The following NEMP2 variants were observed in gnomAD, a reference collection of about 807,000 sequenced individuals.
NEMP2 encodes the protein nuclear envelope integral membrane protein 2, also known as UPF0571 transmembrane protein.
In NEMP2, 53 loss-of-function variants were observed where a neutral mutation model predicts 54.2. The observed-to-expected ratio is 0.98, with a 90% confidence interval of 0.78 to 1.23. NEMP2 has a LOEUF of 1.23. NEMP2 is among the 50% of genes most tolerant of loss of function. NEMP2 has a pLI of 0.00. For missense variants in NEMP2, 455 were observed against 511.3 expected, an observed-to-expected ratio of 0.89 and a Z score of 1.06; for synonymous variants, 197 against 190.3, an observed-to-expected ratio of 1.04 and a Z score of -0.29.
downstream of NEMP2, among the ~76,000 whole-genome samples, chr2:190,503,509 C>T (rs571166553): frequency 8.9e-4 from 135 of 152,310 alleles, no homozygotes; most frequent in Non-Finnish European, 1.6e-3. The surrounding 1 kb of genome is among the most constrained non-coding windows in gnomAD (Gnocchi z 6.3). Flanking sequence ...GAGATCCTTT[C>T]GGGAGATCTC....
chr2:190,474,144 C>T, the NEMP2 span, among the ~76,000 whole-genome samples: 3 of 151,144 alleles, frequency 2.0e-5, no homozygotes, highest in African/African-American at 7.3e-5. Flanking sequence ...CCTAACATCA[C>T]AATTAAAAGA....
At chr2:190,497,519 A>G in the NEMP2 span, 21 of 1,614,182 alleles carry the variant, frequency 1.3e-5, no homozygotes, top group Non-Finnish European at 1.8e-5. This position sits in a 1 kb window ranked among gnomAD's most constrained non-coding sequence, Gnocchi z 5.2. Flanking sequence ...ACAGCAACAG[A>G]CAGAAGATGT....
At chr2:190,582,480 A>G in the NEMP2 span, among the ~76,000 whole-genome samples, 2 of 152,192 alleles carry the variant, frequency 1.3e-5, no homozygotes, top group African/African-American at 4.8e-5. This position sits in a 1 kb window ranked among gnomAD's most constrained non-coding sequence, Gnocchi z 4.6. Context: ...AAAACCCACT[A>G]TCAATTAAAC....
At chr2:190,490,997 A>G in the NEMP2 span, among the ~76,000 whole-genome samples, 1 of 152,230 alleles carries the variant, frequency 6.6e-6, no homozygotes, top group Non-Finnish European at 1.5e-5. The surrounding 1 kb of genome is among the most constrained non-coding windows in gnomAD (Gnocchi z 4.5). Flanking sequence ...GCCTCATGTA[A>G]AAGACCAATA....
rs1334142999 is a variant in NEMP2, at chr2:190,514,410, G to A, written c.953+43C>T. ...CACTCTCCCAAATAATAAAACTAGA[G>A]CTCAAAATGTCAAATTTGCTGGGGG... On this transcript the variant is annotated intron_variant, in intron 7 of 8. Transcript: ENST00000409150. This position sits in a 1 kb window ranked among gnomAD's most constrained non-coding sequence, Gnocchi z 5.7. 3 of 1,475,882 alleles carry A rather than the reference G, an allele frequency of 2.0e-6. No homozygotes were observed. The highest frequency in any genetic ancestry group is 2.0e-5 in the Admixed American group (1 of 50,842). The allele number at this position is 1,475,882 out of a possible 1,614,324, so 91.4% of individuals were successfully genotyped here.
the NEMP2 span, among the ~76,000 whole-genome samples, chr2:190,555,555 C>G: frequency 6.6e-6 from 1 of 151,042 alleles, no homozygotes; most frequent in Non-Finnish European, 1.5e-5. The surrounding 1 kb of genome is among the most constrained non-coding windows in gnomAD (Gnocchi z 4.8). Flanking sequence ...ATTGATCAAG[C>G]AGAAGAAAGG....
the NEMP2 span, among the ~76,000 whole-genome samples, chr2:190,499,233 A>T: frequency 6.6e-6 from 1 of 152,244 alleles, no homozygotes; most frequent in Non-Finnish European, 1.5e-5. The surrounding 1 kb of genome is among the most constrained non-coding windows in gnomAD (Gnocchi z 6.0). Context: ...TGCTGTAGTT[A>T]TTCTTAGAAG....
the NEMP2 span, among the ~76,000 whole-genome samples, chr2:190,542,747 A>T: frequency 6.6e-6 from 1 of 152,024 alleles, no homozygotes; most frequent in Non-Finnish European, 1.5e-5. The surrounding 1 kb of genome is among the most constrained non-coding windows in gnomAD (Gnocchi z 4.6). Context: ...AATTATTTTA[A>T]TCTCTGTTAA....
chr2:190,532,238 ATAAAGGT>A (rs1691169635), intron 1 of NEMP2, among the ~76,000 whole-genome samples: 1 of 152,260 alleles, frequency 6.6e-6, no homozygotes, highest in Admixed American at 6.5e-5. Flanking sequence ...CACCAAAGTG[ATAAAGGT>A]AACTATTCTC....
the NEMP2 span, among the ~76,000 whole-genome samples, chr2:190,433,925 T>C: frequency 6.6e-6 from 1 of 152,154 alleles, no homozygotes; most frequent in East Asian, 1.9e-4. This position sits in a 1 kb window ranked among gnomAD's most constrained non-coding sequence, Gnocchi z 4.5. Context: ...GTGCAGTGGT[T>C]CACGCCTGTA....
Position 190,521,506 on chromosome 2 carries a change from T to C in NEMP2, c.214-2323A>G, listed in dbSNP as rs1405798836. On this transcript the variant is annotated intron_variant, in intron 2 of 8. Transcript: ENST00000409150. The surrounding 1 kb of genome is among the most constrained non-coding windows in gnomAD (Gnocchi z 6.2). ...ATTATTTCTCTCAGCATACAACATT[T>C]AAAAAAGAAGAAACAACCTTCTGTG... Among the ~76,000 whole-genome samples the C allele has an allele frequency of 6.6e-6, 1 of 152,144 alleles. No homozygotes were observed. Among genetic ancestry groups the C allele is most frequent in the Non-Finnish European group, 1.5e-5 (1 of 68,024 alleles).
At chr2:190,453,754 A>C in the NEMP2 span, among the ~76,000 whole-genome samples, 2 of 152,224 alleles carry the variant, frequency 1.3e-5, no homozygotes, top group Non-Finnish European at 2.9e-5. Context: ...GGACTGGAGA[A>C]GCACAGAACG....
At chr2:190,535,430 A>T (rs1193397661), upstream of NEMP2, among the ~76,000 whole-genome samples, 1 of 152,194 alleles carries the variant, frequency 6.6e-6, no homozygotes, top group Non-Finnish European at 1.5e-5. Context: ...TTAAATTAAC[A>T]TATAACCTGA....
the NEMP2 span, among the ~76,000 whole-genome samples, chr2:190,494,052 T>C: frequency 6.6e-6 from 1 of 151,414 alleles, no homozygotes; most frequent in African/African-American, 2.4e-5. The surrounding 1 kb of genome is among the most constrained non-coding windows in gnomAD (Gnocchi z 5.7). Flanking sequence ...ATACAAAAAA[T>C]AAATGAAACA....
chr2:190,465,334 A>G, the NEMP2 span, among the ~76,000 whole-genome samples: 1 of 152,128 alleles, frequency 6.6e-6, no homozygotes, highest in South Asian at 2.1e-4. This position sits in a 1 kb window ranked among gnomAD's most constrained non-coding sequence, Gnocchi z 4.6. Flanking sequence ...TTTTATTACT[A>G]CTGACTTCCT....
chr2:190,564,125 C>G, the NEMP2 span, among the ~76,000 whole-genome samples: 1 of 152,182 alleles, frequency 6.6e-6, no homozygotes, highest in Admixed American at 6.5e-5. This position sits in a 1 kb window ranked among gnomAD's most constrained non-coding sequence, Gnocchi z 4.2. Context: ...GATCATATGC[C>G]ACATGGTGTG....
the NEMP2 span, among the ~76,000 whole-genome samples, chr2:190,647,784 G>A: frequency 1.6e-5 from 2 of 124,190 alleles, no homozygotes. Context: ...GCACGATCTT[G>A]GCTCACTGCA....
At chr2:190,485,369 C>T in the NEMP2 span, among the ~76,000 whole-genome samples, 2 of 152,144 alleles carry the variant, frequency 1.3e-5, no homozygotes, top group African/African-American at 4.8e-5. This position sits in a 1 kb window ranked among gnomAD's most constrained non-coding sequence, Gnocchi z 5.1. Context: ...GGTTTGGCGT[C>T]AGCATTAAAG....
chr2:190,494,116 A>G, the NEMP2 span, among the ~76,000 whole-genome samples: 1 of 152,150 alleles, frequency 6.6e-6, no homozygotes, highest in African/African-American at 2.4e-5. The surrounding 1 kb of genome is among the most constrained non-coding windows in gnomAD (Gnocchi z 5.7). Flanking sequence ...TAACAAGATT[A>G]ACCAAGAAAA....
Sources: gnomAD v4.1 joint callset for allele counts (sites outside exome capture counted in the v4.1 genomes callset) on GRCh38, gnomAD v4.1.1 for gene constraint, Gnocchi (gnomAD v3.1) non-coding constraint, MANE v1.5 for transcripts, NCBI Gene and HGNC (gene_info 2026-07-23, HGNC 2026-07-21) for gene names.